The following ELF2 variants were observed in gnomAD, a reference collection of about 807,000 sequenced individuals.
ELF2 encodes E74 like ETS transcription factor 2, also known as ETS-related transcription factor Elf-2.
Under a neutral mutation model 54.8 loss-of-function variants are expected in ELF2, and 11 were observed. That is an observed-to-expected ratio of 0.20 (90% confidence interval 0.13 to 0.33). The LOEUF is 0.33. Among genes scored for constraint, ELF2 ranks in the 10% least tolerant of loss-of-function variants. The probability of loss-of-function intolerance (pLI) is 1.00; values close to 1 mark genes in which losing one functional copy is unlikely to be tolerated. For missense variants in ELF2, 513 were observed against 703.0 expected, an observed-to-expected ratio of 0.73 and a Z score of 3.06; for synonymous variants, 203 against 245.1, an observed-to-expected ratio of 0.83 and a Z score of 1.61.
intron 4 of ELF2, chr4:139,115,435 G>A (rs1479057693): frequency 1.0e-6 from 1 of 983,020 alleles, no homozygotes; most frequent in Non-Finnish European, 1.2e-6. Context: ...CCTCCGGGAC[G>A]CCCCCGGCTG....
chr4:139,174,373 A>C (rs1742689419), intron 1 of ELF2, among the ~76,000 whole-genome samples: 1 of 152,198 alleles, frequency 6.6e-6, no homozygotes, highest in Non-Finnish European at 1.5e-5. Flanking sequence ...TGTCCACAAC[A>C]GTCTAATCTA....
intron 3 of ELF2, among the ~76,000 whole-genome samples, chr4:139,135,279 G>GTATATA (rs56311255): frequency 7.3e-6 from 1 of 136,504 alleles, no homozygotes; most frequent in East Asian, 2.2e-4. Flanking sequence ...GTGTGTGTGT[G>GTATATA]TATATATGAA....
In ELF2 at chr4:139,114,563, A is replaced by AGTCT. The variant is rs1578834259; in HGVS notation, c.238+10600_238+10601insAGAC. ...GGCAACAGAGCGAGACTTCAGTCTC[A>AGTCT]CACACACACACACACACACACACAC... On this transcript the variant is annotated intron_variant, in intron 4 of 9. Transcript: ENST00000686138. Among the ~76,000 whole-genome samples the AGTCT allele has an allele frequency of 1.8e-3, 136 of 73,524 alleles. 1 individual carries two copies. The East Asian group carries it at 0.034, about 18-fold the overall frequency. 48.2% of individuals were successfully genotyped at this position (73,524 alleles called of 152,430 possible).
At chr4:139,062,160 T>A in intron 7 of ELF2, 103 bp from the exon 8 acceptor site, 2 of 1,200,752 alleles carry the variant, frequency 1.7e-6, no homozygotes, top group Non-Finnish European at 2.3e-6. Flanking sequence ...AAATCCTGAA[T>A]ATACTTGTTT....
At chr4:139,146,474 C>G (rs992486611) in intron 1 of ELF2, among the ~76,000 whole-genome samples, 2 of 152,170 alleles carry the variant, frequency 1.3e-5, no homozygotes, top group Non-Finnish European at 2.9e-5. Flanking sequence ...AGATTCAATA[C>G]AAATCTGATC....
In ELF2 at chr4:139,125,294, A is replaced by C. The variant is rs1252190585; in HGVS notation, c.108T>G (p.Ile36Met). Reference protein sequence around the residue: ...SEKVSEYPAVIVEPVPSARLE... With the variant: ...SEKVSEYPAVMVEPVPSARLE... ...ATCTGGCACTTGGAACTGGCTCCACAATCACTGCTGGATATTCAGAAACCT... is the reference window on the plus strand; with the variant it reads ...ATCTGGCACTTGGAACTGGCTCCACCATCACTGCTGGATATTCAGAAACCT... Residue 36 changes from isoleucine to methionine, a missense_variant, in exon 4 of 10, where the codon ATT becomes ATG. Ile to Met is a conservative substitution (Grantham distance 10). This residue lies in a region of ELF2 where 203 missense variants were observed against 245.9 expected (regional missense o/e 0.83). Coordinates refer to ENST00000686138, the MANE Select transcript of ELF2 (RefSeq NM_001331036.3). 1 of 1,613,398 alleles carries C rather than the reference A, an allele frequency of 6.2e-7. No homozygotes were observed. The highest frequency in any genetic ancestry group is 8.5e-7 in the Non-Finnish European group (1 of 1,179,884).
At chr4:139,162,025 C>T (rs2148902180) in intron 1 of ELF2, among the ~76,000 whole-genome samples, 1 of 151,914 alleles carries the variant, frequency 6.6e-6, no homozygotes, top group Non-Finnish European at 1.5e-5. Flanking sequence ...ACCCGGGAGG[C>T]GGAGGTTGCA....
intron 1 of ELF2, among the ~76,000 whole-genome samples, chr4:139,171,715 G>A (rs368134946): frequency 2.0e-5 from 3 of 152,146 alleles, no homozygotes; most frequent in African/African-American, 7.2e-5. Context: ...CCTGAGCTCA[G>A]GATTCGAGAC....
chr4:139,139,842 T>G (rs905680350), intron 1 of ELF2, among the ~76,000 whole-genome samples: 1 of 152,118 alleles, frequency 6.6e-6, no homozygotes, highest in African/African-American at 2.4e-5. Flanking sequence ...AGTAAGTGGC[T>G]ACAGGTATAA....
At chr4:139,140,948 CTT>C (rs1738640818) in intron 1 of ELF2, among the ~76,000 whole-genome samples, 1 of 152,110 alleles carries the variant, frequency 6.6e-6, no homozygotes, top group South Asian at 2.1e-4. Context: ...TCAACTGAAA[CTT>C]TTACTAAATT....
chr4:139,110,431 A>C (rs139037420), intron 4 of ELF2, among the ~76,000 whole-genome samples: 39 of 152,338 alleles, frequency 2.6e-4, no homozygotes, highest in African/African-American at 9.1e-4. Flanking sequence ...CTAAAAAAAA[A>C]CTAATCTTTG....
intron 4 of ELF2, among the ~76,000 whole-genome samples, chr4:139,079,714 C>A (rs1236509868): frequency 6.6e-6 from 1 of 152,144 alleles, no homozygotes; most frequent in Admixed American, 6.5e-5. Flanking sequence ...GATTTCAAGA[C>A]CAGCCTGGCC....
chr4:139,131,989 A>G (rs1388678076), intron 3 of ELF2, among the ~76,000 whole-genome samples: 1 of 152,136 alleles, frequency 6.6e-6, no homozygotes, highest in Non-Finnish European at 1.5e-5. Context: ...CTGTTGTCTG[A>G]TTCCATTTAT....
At position 139,119,502 on chromosome 4, in the gene ELF2, C is replaced by G. The variant is rs116881636; in HGVS notation, c.238+5662G>C. Among the ~76,000 whole-genome samples the G allele has an allele frequency of 9.0e-3, 1,367 of 152,288 alleles. 10 individuals carry two copies. Among genetic ancestry groups the G allele is most frequent in the East Asian group, 0.039 (200 of 5,186 alleles). On this transcript the variant is annotated intron_variant, in intron 4 of 9. Coordinates refer to ENST00000686138, the MANE Select transcript of ELF2 (RefSeq NM_001331036.3). ...CCTCCAGCTAGCTGTGTCCTTTGAT[C>G]AAAGGTTTCAGAATCTCCCAAGGTG...
At chr4:139,062,815 T>C (rs796854243) in intron 7 of ELF2, among the ~76,000 whole-genome samples, 3 of 152,350 alleles carry the variant, frequency 2.0e-5, no homozygotes, top group African/African-American at 7.2e-5. Context: ...TAGGGTCTTT[T>C]TGTAAGAAAC....
chr4:139,149,084 A>C (rs762835353), intron 1 of ELF2, among the ~76,000 whole-genome samples: 1 of 151,898 alleles, frequency 6.6e-6, no homozygotes, highest in Non-Finnish European at 1.5e-5. Context: ...TTACCACCTT[A>C]ATTCAACACT....
intron 1 of ELF2, among the ~76,000 whole-genome samples, chr4:139,142,044 A>G (rs965965286): frequency 1.3e-5 from 2 of 152,336 alleles, no homozygotes; most frequent in Non-Finnish European, 2.9e-5. Context: ...CGGGTCCAGT[A>G]GTGAATAAAG....
chr4:139,084,484 A>G, intron 4 of ELF2: 4 of 994,340 alleles, frequency 4.0e-6, no homozygotes, highest in East Asian at 5.9e-5. Flanking sequence ...CGGCCGCCGC[A>G]GCTGGCAACG....
intron 1 of ELF2, among the ~76,000 whole-genome samples, chr4:139,149,609 G>A (rs983751707): frequency 3.3e-5 from 5 of 151,978 alleles, no homozygotes; most frequent in East Asian, 1.9e-4. Context: ...GCAAGACTCC[G>A]TCTCAAAAAA....
Sources: allele counts gnomAD v4.1 joint callset (sites outside exome capture counted in the v4.1 genomes callset), GRCh38; gene constraint gnomAD v4.1.1; regional missense constraint gnomAD v4.1.1; transcripts MANE v1.5; gene names NCBI Gene and HGNC (gene_info 2026-07-23, HGNC 2026-07-21).